The following LAMC1 variants were observed in gnomAD, a reference collection of about 807,000 sequenced individuals.
LAMC1 encodes the protein laminin subunit gamma 1.
In LAMC1, 38 loss-of-function variants were observed where a neutral mutation model predicts 173.6. That is an observed-to-expected ratio of 0.22 (90% CI 0.17 to 0.29). LAMC1 has a LOEUF of 0.29. Among genes scored for constraint, LAMC1 ranks in the 10% least tolerant of loss-of-function variants. The probability of loss-of-function intolerance (pLI) is 1.00; values close to 1 mark genes in which losing one functional copy is unlikely to be tolerated. For missense variants in LAMC1, 1,824 were observed against 2,051.8 expected (o/e 0.89, Z 2.14); for synonymous variants, 746 against 749.1 (o/e 1.00, Z 0.07).
At chr1:183,126,392 T>A in intron 16 of LAMC1, 130 bp downstream of exon 16, 1 of 813,510 alleles carries the variant, frequency 1.2e-6, no homozygotes, top group South Asian at 2.0e-5. Context: ...TAAGTCATCG[T>A]AGATGCTTTA....
intron 1 of LAMC1, among the ~76,000 whole-genome samples, chr1:183,050,281 CTTT>C (rs892649686): frequency 1.7e-5 from 2 of 115,532 alleles, no homozygotes; most frequent in Admixed American, 8.6e-5. Context: ...TTCTCAGATT[CTTT>C]TTTTTTTTTT....
intron 1 of LAMC1, among the ~76,000 whole-genome samples, chr1:183,078,522 C>T (rs1022429866): frequency 2.1e-4 from 32 of 149,438 alleles, no homozygotes; most frequent in Non-Finnish European, 1.3e-4. Context: ...GTGGAGCTTG[C>T]AGTGAGCCAA....
At position 183,132,187 on chromosome 1, in the gene LAMC1, G is replaced by A. The variant is rs141121827; in HGVS notation, c.3567-213G>A. ...GTATGCGTGTAATACCAGCTACTCA[G>A]GAGACTGAGGTAGGAGAATTGCTTG... On this transcript the variant is annotated intron_variant, in intron 20 of 27. Transcript: ENST00000258341. Among the ~76,000 whole-genome samples, 815 of 152,286 alleles carry A rather than the reference G, an allele frequency of 5.4e-3. 4 individuals are homozygous for A. Among genetic ancestry groups the A allele is most frequent in the African/African-American group, 0.018 (764 of 41,536 alleles).
intron 1 of LAMC1, among the ~76,000 whole-genome samples, chr1:183,065,163 A>G (rs1654845915): frequency 6.6e-6 from 1 of 152,194 alleles, no homozygotes; most frequent in Non-Finnish European, 1.5e-5. Context: ...ATGCCAAAAG[A>G]TAGGAAAAGG....
intron 1 of LAMC1, among the ~76,000 whole-genome samples, chr1:183,025,047 CAG>C (rs1226936078): frequency 1.3e-5 from 2 of 152,216 alleles, no homozygotes; most frequent in African/African-American, 4.8e-5. Context: ...TTGTGTTTAA[CAG>C]AGGAATCTAT....
chr1:183,112,043 A>C (rs1295401925), intron 4 of LAMC1, among the ~76,000 whole-genome samples: 1 of 152,210 alleles, frequency 6.6e-6, no homozygotes, highest in Non-Finnish European at 1.5e-5. Context: ...CGTCTCAAAA[A>C]ACAAAAACAA....
At chr1:183,097,568 A>AG (rs1439046307) in intron 1 of LAMC1, among the ~76,000 whole-genome samples, 1 of 152,228 alleles carries the variant, frequency 6.6e-6, no homozygotes, top group African/African-American at 2.4e-5. Context: ...CACATAACAG[A>AG]GGAGCATTTA....
chr1:183,079,231 GGTTTTTTTTTTTTTTTTTTT>G (rs1655199655), intron 1 of LAMC1, among the ~76,000 whole-genome samples: 1 of 95,620 alleles, frequency 1.0e-5, no homozygotes, highest in African/African-American at 4.0e-5. Context: ...TCTCTAATCT[GGTTTTTTTTTTTTTTTTTTT>G]TTTTTTTTTT....
At chr1:183,036,353 C>T (rs147606806) in intron 1 of LAMC1, among the ~76,000 whole-genome samples, 3,548 of 150,764 alleles carry the variant, frequency 0.024, 143 homozygotes, top group African/African-American at 0.081. Context: ...CTGCCTTGGC[C>T]TCCCAAAGTG....
intron 1 of LAMC1, among the ~76,000 whole-genome samples, chr1:183,067,683 G>A (rs943101053): frequency 2.6e-5 from 4 of 151,922 alleles, no homozygotes; most frequent in African/African-American, 9.7e-5. Flanking sequence ...GTAGAGATAG[G>A]GTTTTACTGT....
intron 1 of LAMC1, among the ~76,000 whole-genome samples, chr1:183,102,390 G>A (rs1655858814): frequency 6.6e-6 from 1 of 152,234 alleles, no homozygotes; most frequent in African/African-American, 2.4e-5. Context: ...ATAGAGCTGA[G>A]CATAGATTTG....
At chr1:183,111,276 G>A (rs1331915289) in intron 4 of LAMC1, among the ~76,000 whole-genome samples, 2 of 151,898 alleles carry the variant, frequency 1.3e-5, no homozygotes, top group African/African-American at 4.8e-5. Flanking sequence ...TAGTAGAGAC[G>A]GGGTTTCACC....
chr1:183,036,389 C>T (rs1489341024), intron 1 of LAMC1, among the ~76,000 whole-genome samples: 3 of 148,280 alleles, frequency 2.0e-5, no homozygotes, highest in Non-Finnish European at 3.0e-5. Flanking sequence ...TGAGCCACCA[C>T]GCCAGTCTTT....
At position 183,124,827 on chromosome 1, in the gene LAMC1, C is replaced by T. The variant is rs150020183; in HGVS notation, c.2598C>T (p.Asp866=). The change falls in exon 14 of 28, where the codon GAC becomes GAT. Residue 866 remains aspartate, a synonymous_variant. Transcript: ENST00000258341. ...GCTTCTATTGTGACCGGTGCAAAGA[C>T]GGATTTTTTGGAAATCCCCTGGCTC... ...TAGFYCDRCK[D]GFFGNPLAPN... The T allele has an allele frequency of 8.7e-6, 14 of 1,614,164 alleles. No individual in the cohort carries two copies. The African/African-American group carries it at 9.3e-5, about 11-fold the overall frequency.
At chr1:183,116,280 C>T (rs1656319350) in intron 6 of LAMC1, among the ~76,000 whole-genome samples, 1 of 151,964 alleles carries the variant, frequency 6.6e-6, no homozygotes, top group African/African-American at 2.4e-5. Context: ...AGATCAAGAC[C>T]ATCCTGGCCA....
In LAMC1 at chr1:183,132,469, C is replaced by T. The variant is rs756098537; in HGVS notation, c.3636C>T (p.Tyr1212=). ...KTANDTSTEA[Y]NLLLRTLAGE... ...CCAATGATACGTCAACTGAGGCATA[C>T]AACCTGCTTCTGAGGACACTGGCAG... Residue 1212 remains tyrosine, a synonymous_variant, in exon 21 of 28, where the codon TAC becomes TAT. Coordinates refer to ENST00000258341, the MANE Select transcript of LAMC1 (RefSeq NM_002293.4). 12 of 1,613,078 alleles carry T rather than the reference C, an allele frequency of 7.4e-6. No homozygotes were observed. The African/African-American group carries it at 1.5e-4, about 20-fold the overall frequency.
At chr1:183,084,201 G>A (rs113780652) in intron 1 of LAMC1, among the ~76,000 whole-genome samples, 3,159 of 152,260 alleles carry the variant, frequency 0.021, 58 homozygotes, top group South Asian at 0.079. Flanking sequence ...AATTAGCTGG[G>A]CGCAGTGGCG....
intron 20 of LAMC1, 86 bp downstream of exon 20, chr1:183,131,464 G>A (rs1434543868): frequency 2.3e-5 from 6 of 262,710 alleles, no homozygotes; most frequent in Non-Finnish European, 2.8e-5. Context: ...TGTGTGTATT[G>A]TCTTATCCCA....
At chr1:183,090,279 A>C (rs1422280738) in intron 1 of LAMC1, among the ~76,000 whole-genome samples, 2 of 152,202 alleles carry the variant, frequency 1.3e-5, no homozygotes, top group Non-Finnish European at 2.9e-5. Context: ...AAGATTATTT[A>C]CATGTAGTCC....
Sources: allele counts gnomAD v4.1 joint callset (sites outside exome capture counted in the v4.1 genomes callset), GRCh38; gene constraint gnomAD v4.1.1; transcripts MANE v1.5; gene names NCBI Gene and HGNC (gene_info 2026-07-23, HGNC 2026-07-21).